CR2: variants seen among roughly 807,000 people sequenced by gnomAD.
The protein encoded by CR2 is complement C3d receptor 2.
CR2 carries 96 observed loss-of-function variants against 123.0 expected under a neutral mutation model. That is an observed-to-expected ratio of 0.78 (90% confidence interval 0.66 to 0.93). The LOEUF (loss-of-function observed/expected upper bound fraction) is 0.93. Ranked by LOEUF, CR2 falls within the 40% of genes least tolerant of loss-of-function variation. The probability of loss-of-function intolerance (pLI) is 0.00; values close to 1 mark genes in which losing one functional copy is unlikely to be tolerated. For synonymous variants in CR2, 484 were observed against 469.5 expected (o/e 1.03, Z -0.40); for missense variants, 1,258 against 1,361.0 (o/e 0.92, Z 1.19).
intron 6 of CR2, 142 bp downstream of exon 6, chr1:207,470,244 A>G (rs1658229817): frequency 3.2e-6 from 3 of 925,212 alleles, no homozygotes; most frequent in Non-Finnish European, 4.8e-6. Context: ...AATTTTGTAG[A>G]GGGCATTCTT....
chr1:207,484,248 A>AT (rs1013217002), intron 18 of CR2, among the ~76,000 whole-genome samples: 4 of 152,228 alleles, frequency 2.6e-5, no homozygotes, highest in African/African-American at 9.6e-5. Context: ...TATTAATATG[A>AT]TTATATCATG....
chr1:207,478,548 GAAA>G (rs1328305250), intron 16 of CR2, among the ~76,000 whole-genome samples: 58 of 115,240 alleles, frequency 5.0e-4, no homozygotes, highest in African/African-American at 1.8e-3. Flanking sequence ...AAAAAAAAAA[GAAA>G]GAAAGAAATT....
Position 207,466,577 on chromosome 1 carries a change from A to G in CR2, c.110A>G (p.Tyr37Cys). 6.2e-7 allele frequency: 1 copy of G among 1,614,066 alleles called. No individual in the cohort carries two copies. The highest frequency in any genetic ancestry group is 8.5e-7 in the Non-Finnish European group (1 of 1,179,960). ...PPILNGRISY[Y>C]STPIAVGTVI... ...ATCCTAAATGGCCGGATTAGTTATT[A>G]TTCTACCCCCATTGCTGTTGGTACC... The change falls in exon 2 of 20, where the codon TAT becomes TGT. Residue 37 changes from tyrosine (Y) to cysteine (C), a missense_variant. Transcript: ENST00000367057.
chr1:207,474,946 G>C lies in CR2; in HGVS notation c.2446G>C (p.Glu816Gln). ...ECDQGFYLLG[E>Q]KKLQCRSDSK... is the part of the protein sequence containing the mutation. The stretch of plus-strand genomic sequence containing the variant: ...TGACCAAGGATTCTATCTCCTGGGA[G>C]AGAAAAAATTGCAGTGCAGAAGTGA... Residue 816 changes from glutamate (E) to glutamine (Q), a missense_variant, in exon 14 of 20, where the codon GAG (glutamate) becomes CAG (glutamine). Physicochemically the swap from Glu to Gln is conservative, Grantham distance 29. Coordinates refer to ENST00000367057, the MANE Select transcript of CR2 (RefSeq NM_001006658.3). The C allele has an allele frequency of 6.2e-7, 1 of 1,614,112 alleles. No homozygotes were observed. Among genetic ancestry groups the C allele is most frequent in the African/African-American group, 1.3e-5 (1 of 75,034 alleles).
intron 1 of CR2, among the ~76,000 whole-genome samples, chr1:207,460,025 C>T (rs1447664902): frequency 1.3e-5 from 2 of 152,198 alleles, no homozygotes; most frequent in Admixed American, 6.5e-5. Context: ...ATTCCATCTT[C>T]GTCCATGTCA....
At chr1:207,479,851 G>T in intron 17 of CR2, 127 bp from the exon 18 acceptor site, 1 of 730,588 alleles carries the variant, frequency 1.4e-6, no homozygotes, top group South Asian at 1.5e-5. Context: ...CAGCATTTAT[G>T]TCCAAGAAGA....
chr1:207,488,206 A>G (rs1658799738), intron 19 of CR2, among the ~76,000 whole-genome samples: 4 of 152,244 alleles, frequency 2.6e-5, no homozygotes, highest in Non-Finnish European at 5.9e-5. Context: ...TTCTCCCAAG[A>G]TAATATCAAG....
In CR2 at chr1:207,472,956, C is replaced by T; in HGVS notation, c.1755C>T (p.Thr585=). The part of the protein sequence containing the change: ...RCTSNDQERG[T]WSGPAPLCKL... ...CAAGCAATGATCAAGAAAGAGGCAC[C>T]TGGAGTGGCCCTGCTCCCCTGTGTA... Residue 585 remains threonine, a synonymous_variant, in exon 10 of 20, where the codon ACC becomes ACT. Coordinates refer to ENST00000367057, the MANE Select transcript of CR2 (RefSeq NM_001006658.3). 1.9e-6 allele frequency: 3 copies of T among 1,614,012 alleles called. No individual in the cohort carries two copies. Among genetic ancestry groups the T allele is most frequent in the Non-Finnish European group, 2.5e-6 (3 of 1,179,932 alleles).
rs1357626624 is a variant in CR2 at position 207,473,873 on chromosome 1, C to A, written c.2228C>A (p.Ser743Tyr). Reference sequence around the variant, plus strand: ...TCACGTGTGGAGCTAGTTAATACGTCCTGCCAAGATGGGTGAGTATGAAGT... The same window carrying A: ...TCACGTGTGGAGCTAGTTAATACGTACTGCCAAGATGGGTGAGTATGAAGT... ...AGSRVELVNT[S>Y]CQDGYQLTGH... The change falls in exon 12 of 20, where the codon TCC becomes TAC. Residue 743 changes from serine to tyrosine, a missense_variant. Coordinates refer to ENST00000367057, the MANE Select transcript of CR2 (RefSeq NM_001006658.3). 2 of 1,613,766 alleles carry A rather than the reference C, an allele frequency of 1.2e-6. No homozygotes were observed. Among genetic ancestry groups the A allele is most frequent in the South Asian group, 2.2e-5 (2 of 91,078 alleles).
At chr1:207,481,829 A>G (rs1457084555) in intron 18 of CR2, among the ~76,000 whole-genome samples, 1 of 152,102 alleles carries the variant, frequency 6.6e-6, no homozygotes, top group African/African-American at 2.4e-5. Context: ...AATGATATCT[A>G]GGAAAGTCTA....
At chr1:207,484,939 T>C (rs1658707928) in intron 18 of CR2, among the ~76,000 whole-genome samples, 1 of 152,230 alleles carries the variant, frequency 6.6e-6, no homozygotes, top group Non-Finnish European at 1.5e-5. Flanking sequence ...TCATTAAGCG[T>C]CCTGGATCCT....
In CR2 at chr1:207,472,819, G is replaced by A. The variant is rs760957341; in HGVS notation, c.1618G>A (p.Gly540Arg). The stretch of plus-strand genomic sequence containing the variant: ...TGTTATCTACAATGGGGCACACACC[G>A]GGAGTTCCTTAGAAGATTTTCCATA... Reference protein sequence around the residue: ...PPVIYNGAHTGSSLEDFPYGT... With the variant: ...PPVIYNGAHTRSSLEDFPYGT... Residue 540 changes from glycine (G) to arginine (R), a missense_variant, in exon 10 of 20, where the codon GGG becomes AGG. Gly to Arg is a moderately radical substitution (Grantham distance 125). Transcript: ENST00000367057. 1.2e-5 allele frequency: 19 copies of A among 1,613,780 alleles called. No individual in the cohort carries two copies. The Middle Eastern group carries it at 4.9e-4, about 42-fold the overall frequency.
At chr1:207,458,465 A>T (rs139593110) in intron 1 of CR2, among the ~76,000 whole-genome samples, 48 of 152,280 alleles carry the variant, frequency 3.2e-4, no homozygotes, top group African/African-American at 9.1e-4. Context: ...AAAGCCCTTC[A>T]TGATCCCTCC....
rs963944104 is a variant in CR2, at chr1:207,476,243, G to A, written c.2726G>A (p.Gly909Glu). The A allele has an allele frequency of 2.5e-6, 4 of 1,613,444 alleles. No individual in the cohort carries two copies. The African/African-American group carries it at 5.3e-5, about 22-fold the overall frequency. ...VPTCIKKAFIGCPPPPKTPNG... is the reference protein window; with the variant it reads ...VPTCIKKAFIECPPPPKTPNG... ...CTTATTGGTGTCTAAGCCTTCATAGGGTGTCCACCTCCGCCTAAGACCCCT... is the reference window on the plus strand; with the variant it reads ...CTTATTGGTGTCTAAGCCTTCATAGAGTGTCCACCTCCGCCTAAGACCCCT... The change falls in exon 15 of 20, where the codon GGG becomes GAG. Residue 909 changes from glycine to glutamate, a missense_variant. Gly to Glu is a moderately conservative substitution (Grantham distance 98). Transcript: ENST00000367057.
chr1:207,467,091 A>G (rs942385248), intron 2 of CR2, among the ~76,000 whole-genome samples, 179 bp downstream of exon 2: 1 of 152,200 alleles, frequency 6.6e-6, no homozygotes. Flanking sequence ...CTGCTCGTTC[A>G]AAAAACATCA....
Position 207,475,134 on chromosome 1 carries a change from C to T in CR2, c.2634C>T (p.Gly878=). 1 of 1,612,470 alleles carries T rather than the reference C, an allele frequency of 6.2e-7. No homozygotes were observed. The highest frequency in any genetic ancestry group is 8.5e-7 in the Non-Finnish European group (1 of 1,179,314). Residue 878 remains glycine (G), a synonymous_variant, in exon 14 of 20, where the codon GGC becomes GGT. Coordinates refer to ENST00000367057, the MANE Select transcript of CR2 (RefSeq NM_001006658.3). Reference sequence around the variant, plus strand: ...TAGTGTATGTTGACTGCAATCCTGGCTTCATCATGAATGGTAGTCGCGTGA... The same window carrying T: ...TAGTGTATGTTGACTGCAATCCTGGTTTCATCATGAATGGTAGTCGCGTGA... ...NDIVYVDCNP[G]FIMNGSRVIR... is the part of the protein sequence containing the mutation.
At chr1:207,468,950 G>T (rs1507764) in intron 4 of CR2, 51 bp downstream of exon 4, 3 of 1,584,036 alleles carry the variant, frequency 1.9e-6, no homozygotes, top group Non-Finnish European at 2.6e-6. Flanking sequence ...TTGTGTGTGC[G>T]TGGTGTGGAC....
chr1:207,471,109 C>T (rs1343240505), intron 8 of CR2, 22 bp downstream of exon 8: 1 of 1,609,404 alleles, frequency 6.2e-7, no homozygotes, highest in Admixed American at 1.7e-5. Flanking sequence ...CTGACTTAGT[C>T]TGACCCAATT....
chr1:207,459,215 C>T (rs1572945732), intron 1 of CR2, among the ~76,000 whole-genome samples: 1 of 152,020 alleles, frequency 6.6e-6, no homozygotes, highest in Non-Finnish European at 1.5e-5. Context: ...CTTTTGTGCA[C>T]GGTTGTGGTT....
Sources: allele counts gnomAD v4.1 joint callset (sites outside exome capture counted in the v4.1 genomes callset), GRCh38; gene constraint gnomAD v4.1.1; transcripts MANE v1.5; gene names NCBI Gene and HGNC (gene_info 2026-07-23, HGNC 2026-07-21).